Variants in SVIL observed in about 807,000 individuals in gnomAD.
The protein encoded by SVIL is archvillin.
Under a neutral mutation model 240.4 loss-of-function variants are expected in SVIL, and 101 were observed. The ratio of observed to expected loss-of-function variants is 0.42; its 90% CI spans 0.36 to 0.50. The LOEUF (loss-of-function observed/expected upper bound fraction) is 0.50, where lower values mean the gene tolerates loss of function less well. Ranked by LOEUF, SVIL falls within the 20% of genes least tolerant of loss-of-function variation. The probability of loss-of-function intolerance (pLI) is 0.01; values close to 1 mark genes in which losing one functional copy is unlikely to be tolerated. For synonymous variants in SVIL, 999 were observed against 1,100.0 expected, an observed-to-expected ratio of 0.91 and a Z score of 1.82; for missense variants, 2,512 against 2,818.7, an observed-to-expected ratio of 0.89 and a Z score of 2.46.
intron 17 of SVIL, among the ~76,000 whole-genome samples, chr10:29,509,330 GGAGAGAGAGA>G (rs66616602): frequency 0.16 from 10,573 of 66,738 alleles, 766 homozygotes; most frequent in East Asian, 0.27. Flanking sequence ...GGAGGGGGAG[GGAGAGAGAGA>G]GAGAGAGAGA....
At chr10:29,643,137 T>G (rs1958543099) in intron 3 of SVIL, among the ~76,000 whole-genome samples, 1 of 152,224 alleles carries the variant, frequency 6.6e-6, no homozygotes, top group African/African-American at 2.4e-5. Flanking sequence ...CCAGCTCAAA[T>G]GTTTCTGTGT....
At chr10:29,621,484 C>T (rs1257030837) in intron 1 of SVIL, among the ~76,000 whole-genome samples, 2 of 152,234 alleles carry the variant, frequency 1.3e-5, no homozygotes, top group African/African-American at 2.4e-5. Context: ...CGGGCCAAGC[C>T]CAAGGTGCAG....
intron 16 of SVIL, among the ~76,000 whole-genome samples, 168 bp from the exon 17 acceptor site, chr10:29,513,029 A>G (rs192615689): frequency 2.7e-4 from 41 of 152,386 alleles, no homozygotes; most frequent in Non-Finnish European, 5.0e-4. Flanking sequence ...TGGAAAAATA[A>G]TAAAGTCCCT....
intron 2 of SVIL, among the ~76,000 whole-genome samples, chr10:29,684,954 C>T (rs11007698): frequency 3.8e-4 from 58 of 152,116 alleles, no homozygotes; most frequent in African/African-American, 1.2e-3. Context: ...GGGTATTACA[C>T]GTGCAGGTTT....
chr10:29,681,406 G>GGT (rs55839039), intron 2 of SVIL, among the ~76,000 whole-genome samples: 64,927 of 134,562 alleles, frequency 0.48, 15,095 homozygotes, highest in Middle Eastern at 0.56. Flanking sequence ...AAGATGGAAT[G>GGT]GTGTGTGTGT....
At chr10:29,491,458 C>T (rs1164875111) in intron 21 of SVIL, among the ~76,000 whole-genome samples, 1 of 152,220 alleles carries the variant, frequency 6.6e-6, no homozygotes, top group Non-Finnish European at 1.5e-5. Flanking sequence ...ACGTAATCCT[C>T]TTCGCTCGGC....
intron 13 of SVIL, among the ~76,000 whole-genome samples, chr10:29,525,004 TAGAC>T (rs1320899838): frequency 6.6e-6 from 1 of 152,148 alleles, no homozygotes; most frequent in African/African-American, 2.4e-5. Context: ...TACCTTATCT[TAGAC>T]AGAGAGGCGG....
intron 1 of SVIL, among the ~76,000 whole-genome samples, chr10:29,616,634 G>A (rs1456874260): frequency 1.3e-5 from 2 of 152,232 alleles, no homozygotes; most frequent in Non-Finnish European, 2.9e-5. Flanking sequence ...GAGGATCTCT[G>A]CGCCCACTTT....
At chr10:29,490,513 C>G (rs1947842977) in intron 22 of SVIL, among the ~76,000 whole-genome samples, 1 of 148,330 alleles carries the variant, frequency 6.7e-6, no homozygotes, top group South Asian at 2.2e-4. Context: ...TTTGGGAGAT[C>G]AAGGTGGGAG....
At chr10:29,674,665 G>A (rs758255959) in intron 2 of SVIL, among the ~76,000 whole-genome samples, 4 of 152,176 alleles carry the variant, frequency 2.6e-5, no homozygotes, top group Non-Finnish European at 4.4e-5. Context: ...CTATGTACGT[G>A]GTGACTTAAA....
At chr10:29,505,256 G>A (rs964922029) in intron 17 of SVIL, among the ~76,000 whole-genome samples, 11 of 152,200 alleles carry the variant, frequency 7.2e-5, no homozygotes, top group African/African-American at 2.7e-4. Flanking sequence ...AACCCGGGAG[G>A]TGGAGGTTGC....
intron 6 of SVIL, among the ~76,000 whole-genome samples, chr10:29,549,578 T>C (rs1243713083): frequency 6.8e-6 from 1 of 147,164 alleles, no homozygotes; most frequent in Non-Finnish European, 1.5e-5. Context: ...CACACGTATG[T>C]TTATTGTGGC....
intron 2 of SVIL, among the ~76,000 whole-genome samples, chr10:29,666,687 G>GAA (rs1959324233): frequency 6.6e-6 from 1 of 152,182 alleles, no homozygotes; most frequent in Non-Finnish European, 1.5e-5. Context: ...AAGGAAAAAA[G>GAA]AAACTCCGGC....
At chr10:29,669,486 C>T (rs2133054843) in intron 2 of SVIL, among the ~76,000 whole-genome samples, 1 of 152,308 alleles carries the variant, frequency 6.6e-6, no homozygotes, top group East Asian at 1.9e-4. Flanking sequence ...TGGATAAAAA[C>T]AAGAGAGTGA....
At chr10:29,606,815 C>T (rs907337712) in intron 1 of SVIL, among the ~76,000 whole-genome samples, 2 of 152,198 alleles carry the variant, frequency 1.3e-5, no homozygotes, top group East Asian at 3.9e-4. Context: ...AGTGCAGTGG[C>T]AGGATCTCAG....
intron 3 of SVIL, among the ~76,000 whole-genome samples, chr10:29,656,596 T>C (rs1235212764): frequency 1.3e-5 from 2 of 152,136 alleles, no homozygotes; most frequent in Non-Finnish European, 2.9e-5. Flanking sequence ...ATCAAAGAAA[T>C]GAAACTCACC....
intron 34 of SVIL, 148 bp from the exon 35 acceptor site, chr10:29,463,783 G>A: frequency 8.9e-7 from 1 of 1,117,686 alleles, no homozygotes; most frequent in Non-Finnish European, 1.2e-6. Flanking sequence ...GGGGCAAAGG[G>A]GCAAACAGAG....
Position 29,558,511 on chromosome 10 carries a change from TGATGTACAA to T in SVIL, c.-50-3412_-50-3404del, listed in dbSNP as rs528519810. On this transcript the variant is annotated intron_variant, in intron 3 of 37. Coordinates refer to ENST00000355867, the MANE Select transcript of SVIL (RefSeq NM_021738.3). Reference sequence around the variant, plus strand: ...CCTACAGAAACGGGATTATAAGAAATGATGTACAAGACAAAAAGAAGCAACAGAGAGACA... The same window carrying T: ...CCTACAGAAACGGGATTATAAGAAATGACAAAAAGAAGCAACAGAGAGACA... Among the ~76,000 whole-genome samples the T allele has an allele frequency of 1.5e-4, 23 of 152,256 alleles. No homozygotes were observed. The South Asian group carries it at 2.9e-3, about 19-fold the overall frequency.
At chr10:29,643,502 C>G (rs192320920) in intron 3 of SVIL, among the ~76,000 whole-genome samples, 1 of 152,098 alleles carries the variant, frequency 6.6e-6, no homozygotes, top group Non-Finnish European at 1.5e-5. Flanking sequence ...ATATGTACAC[C>G]GATACACCTG....
Sources: allele counts gnomAD v4.1 joint callset (sites outside exome capture counted in the v4.1 genomes callset), GRCh38; gene constraint gnomAD v4.1.1; transcripts MANE v1.5; gene names NCBI Gene and HGNC (gene_info 2026-07-23, HGNC 2026-07-21).